Variants in NAV3 observed in about 807,000 individuals in gnomAD.
The protein encoded by NAV3 is pore membrane and/or filament interacting like protein 1.
A neutral mutation model predicts 244.7 loss-of-function variants in NAV3; 87 were observed. The observed-to-expected ratio is 0.36, with a 90% CI of 0.30 to 0.42. The LOEUF (loss-of-function observed/expected upper bound fraction) is 0.42, where lower values mean the gene tolerates loss of function less well. Among genes scored for constraint, NAV3 ranks in the 20% least tolerant of loss-of-function variants. NAV3 has a pLI of 1.00. For missense variants in NAV3, 2,663 were observed against 2,893.3 expected, an observed-to-expected ratio of 0.92 and a Z score of 1.83; for synonymous variants, 1,126 against 1,042.2, an observed-to-expected ratio of 1.08 and a Z score of -1.55.
chr12:78,100,523 C>T (rs1954486181), intron 12 of NAV3, among the ~76,000 whole-genome samples: 1 of 151,908 alleles, frequency 6.6e-6, no homozygotes, highest in African/African-American at 2.4e-5. Flanking sequence ...CTTGTAACTC[C>T]CCATCAAAAA....
chr12:78,199,747 G>A (rs973446717), intron 37 of NAV3, among the ~76,000 whole-genome samples: 12 of 151,514 alleles, frequency 7.9e-5, no homozygotes, highest in African/African-American at 2.4e-4. Context: ...AAATATTACC[G>A]AGATCAGATA....
intron 2 of NAV3, among the ~76,000 whole-genome samples, chr12:77,650,775 T>A (rs1027239282): frequency 4.6e-5 from 7 of 152,080 alleles, no homozygotes; most frequent in Admixed American, 4.6e-4. Flanking sequence ...ATGACTTAAA[T>A]TTCCTTTTTA....
At chr12:77,966,339 C>T (rs755365911) in intron 4 of NAV3, 38 bp downstream of exon 4, 23 of 1,508,090 alleles carry the variant, frequency 1.5e-5, no homozygotes, top group Non-Finnish European at 2.0e-5. Context: ...CAAATGGCAT[C>T]AATGTTTTTA....
At chr12:77,937,790 T>C (rs1234815373) in intron 1 of NAV3, among the ~76,000 whole-genome samples, 1 of 152,190 alleles carries the variant, frequency 6.6e-6, no homozygotes, top group African/African-American at 2.4e-5. Context: ...ATTATAACTT[T>C]AACAAGTATT....
intron 2 of NAV3, among the ~76,000 whole-genome samples, chr12:77,634,537 G>T (rs1872069606): frequency 6.6e-6 from 1 of 152,140 alleles, no homozygotes; most frequent in Admixed American, 6.5e-5. Context: ...TATAAAAAAT[G>T]TTGAAAAAGA....
intron 12 of NAV3, among the ~76,000 whole-genome samples, chr12:78,103,831 AC>A (rs1458398229): frequency 6.6e-6 from 1 of 152,222 alleles, no homozygotes; most frequent in Non-Finnish European, 1.5e-5. Context: ...ATGATCTCCA[AC>A]CAGGTGCCTC....
chr12:77,727,856 T>C (rs1876948215), intron 2 of NAV3, among the ~76,000 whole-genome samples: 1 of 151,948 alleles, frequency 6.6e-6, no homozygotes, highest in Non-Finnish European at 1.5e-5. Context: ...ACAACTGCTA[T>C]TGCCAAGTAC....
chr12:77,997,839 A>G (rs1872617758), intron 6 of NAV3, among the ~76,000 whole-genome samples: 2 of 152,254 alleles, frequency 1.3e-5, no homozygotes, highest in South Asian at 4.1e-4. Flanking sequence ...CTCAGTGAGC[A>G]TTAGCTATTC....
chr12:77,776,705 T>G (rs1433109720), intron 2 of NAV3, among the ~76,000 whole-genome samples: 1 of 152,154 alleles, frequency 6.6e-6, no homozygotes, highest in Non-Finnish European at 1.5e-5. Flanking sequence ...AGTTTTACAC[T>G]ACTCAAACCA....
chr12:77,592,137 A>G (rs1226244605), intron 2 of NAV3, among the ~76,000 whole-genome samples: 1 of 152,124 alleles, frequency 6.6e-6, no homozygotes, highest in Non-Finnish European at 1.5e-5. Flanking sequence ...TTTCCAGATC[A>G]GAGAATTGAA....
intron 12 of NAV3, among the ~76,000 whole-genome samples, chr12:78,092,501 T>C (rs1031647614): frequency 3.0e-5 from 4 of 135,570 alleles, no homozygotes; most frequent in South Asian, 2.6e-4. Flanking sequence ...CTTTTTTTTT[T>C]TTTTTTTTTT....
intron 1 of NAV3, among the ~76,000 whole-genome samples, chr12:77,935,269 A>T (rs551803550): frequency 1.1e-4 from 16 of 152,290 alleles, no homozygotes; most frequent in Admixed American, 5.9e-4. Context: ...ATCAGAGTAG[A>T]TCTTTTTCTG....
intron 2 of NAV3, among the ~76,000 whole-genome samples, chr12:77,795,595 A>G (rs1871370232): frequency 6.6e-6 from 1 of 152,074 alleles, no homozygotes; most frequent in African/African-American, 2.4e-5. Flanking sequence ...GTTATACTGC[A>G]TATAAGTACA....
Position 77,973,113 on chromosome 12 carries a change from G to A in NAV3, c.671+4411G>A, listed in dbSNP as rs145015082. Among the ~76,000 whole-genome samples, 219 of 152,150 alleles carry A rather than the reference G, an allele frequency of 1.4e-3. 1 individual carries two copies. The highest frequency in any genetic ancestry group is 4.7e-3 in the African/African-American group (195 of 41,554). Reference sequence around the variant, plus strand: ...TTTGCTAAAAGCTTTTTTAAAAGACGTGATTTTTCTTAAAATACATACTTT... The same window carrying A: ...TTTGCTAAAAGCTTTTTTAAAAGACATGATTTTTCTTAAAATACATACTTT... On this transcript the variant is annotated intron_variant, in intron 5 of 39. Transcript: ENST00000397909.
rs778152942 is a variant in NAV3, at chr12:78,050,961, C to T, written c.2330C>T (p.Ser777Leu). The T allele has an allele frequency of 2.5e-6, 4 of 1,613,918 alleles. No individual in the cohort carries two copies. Among genetic ancestry groups the T allele is most frequent in the Non-Finnish European group, 1.7e-6 (2 of 1,180,014 alleles). Residue 777 changes from serine to leucine, a missense_variant, in exon 11 of 40, where the codon TCG becomes TTG. By Grantham distance (145) the Ser-to-Leu change is moderately radical. Around this residue, in one of 6 missense-constraint regions of NAV3, gnomAD observed 1,521 missense variants for 1,497.0 expected, o/e 1.02. Transcript: ENST00000397909. ...AGTCGATTCATCCACACAGACCCCT[C>T]GAGGTTCATGTATACCACGCCTCTC... ...GTSRFIHTDPSRFMYTTPLRR... is the reference protein window; with the variant it reads ...GTSRFIHTDPLRFMYTTPLRR...
At chr12:77,890,179 G>A (rs1171873614) in intron 1 of NAV3, among the ~76,000 whole-genome samples, 4 of 152,194 alleles carry the variant, frequency 2.6e-5, no homozygotes, top group South Asian at 2.1e-4. Flanking sequence ...TGCAAACTCC[G>A]CTCCACAGCT....
chr12:78,047,332 A>G (rs1881987362), intron 9 of NAV3, among the ~76,000 whole-genome samples: 1 of 151,364 alleles, frequency 6.6e-6, no homozygotes. Flanking sequence ...CTAAAAATAC[A>G]AAAAATTAGC....
At chr12:77,753,629 C>G (rs1868976160) in intron 2 of NAV3, among the ~76,000 whole-genome samples, 1 of 152,124 alleles carries the variant, frequency 6.6e-6, no homozygotes, top group Non-Finnish European at 1.5e-5. Flanking sequence ...TTTATTCTCT[C>G]TTATCCCTTG....
chr12:78,066,507 T>A (rs1412325706), intron 12 of NAV3, among the ~76,000 whole-genome samples: 1 of 152,108 alleles, frequency 6.6e-6, no homozygotes, highest in Non-Finnish European at 1.5e-5. Flanking sequence ...AAGCTCCAGA[T>A]ACCATATATT....
Sources: gnomAD v4.1 joint callset for allele counts (sites outside exome capture counted in the v4.1 genomes callset) on GRCh38, gnomAD v4.1.1 for gene constraint, gnomAD v4.1.1 regional missense constraint, MANE v1.5 for transcripts, NCBI Gene and HGNC (gene_info 2026-07-23, HGNC 2026-07-21) for gene names.